NRXN1: variants seen among roughly 807,000 people sequenced by gnomAD.
NRXN1 encodes neurexin-1.
A neutral mutation model predicts 150.9 loss-of-function variants in NRXN1; 39 were observed. The ratio of observed to expected loss-of-function variants is 0.26; its 90% CI spans 0.20 to 0.34. NRXN1 has a LOEUF of 0.34. NRXN1 is among the 10% of genes least tolerant of loss of function. The pLI is 1.00. For synonymous variants in NRXN1, 924 were observed against 757.0 expected (o/e 1.22, Z -3.62); for missense variants, 1,815 against 1,949.9 (o/e 0.93, Z 1.30).
chr2:50,424,158 G>C (rs1160897034), intron 17 of NRXN1, among the ~76,000 whole-genome samples: 1 of 101,486 alleles, frequency 9.9e-6, no homozygotes, highest in Admixed American at 9.6e-5. Flanking sequence ...GGAGGAGGAA[G>C]GGGAGGAGGA....
chr2:50,990,646 T>C (rs1698407005), intron 2 of NRXN1, among the ~76,000 whole-genome samples: 1 of 151,980 alleles, frequency 6.6e-6, no homozygotes, highest in African/African-American at 2.4e-5. Context: ...CTTAATACTT[T>C]TCCAGTTTGG....
At chr2:50,856,025 C>CTT (rs202077470) in intron 5 of NRXN1, among the ~76,000 whole-genome samples, 143 of 138,708 alleles carry the variant, frequency 1.0e-3, no homozygotes, top group Middle Eastern at 3.8e-3. Context: ...CACGAGTAGC[C>CTT]TTTTTTTTTT....
chr2:50,528,187 A>T (rs1346231843), intron 12 of NRXN1, among the ~76,000 whole-genome samples: 1 of 152,170 alleles, frequency 6.6e-6, no homozygotes, highest in African/African-American at 2.4e-5. Flanking sequence ...TTCTATGTCT[A>T]TGTAAAACTT....
At chr2:50,474,683 CAAAA>C (rs754558377) in intron 15 of NRXN1, among the ~76,000 whole-genome samples, 1 of 54,992 alleles carries the variant, frequency 1.8e-5, no homozygotes, top group African/African-American at 8.2e-5. Flanking sequence ...ACAGAAATAG[CAAAA>C]AAAAAAAAAA....
rs149322054 is a variant in NRXN1 at position 49,984,718 on chromosome 2, A to AACACACACACACACAC, written c.4129-40943_4129-40928dup. 6.1e-4 allele frequency among the ~76,000 whole-genome samples: 90 copies of AACACACACACACACAC among 146,954 alleles called. No homozygotes were observed. In the Middle Eastern group the frequency reaches 0.014, roughly 23 times the overall value. On this transcript the variant is annotated intron_variant, in intron 21 of 22. Transcript: ENST00000401669. ...AGACAAAGTCCTTTGAGAACACACA[A>AACACACACACACACAC]ACACACACACACACACACACACACA... is the stretch of plus-strand genomic sequence containing the variant.
chr2:50,682,328 A>T (rs1355009492), intron 5 of NRXN1, among the ~76,000 whole-genome samples: 2 of 152,150 alleles, frequency 1.3e-5, no homozygotes, highest in African/African-American at 4.8e-5. Context: ...CCATTTACAT[A>T]ACCAAGCCAT....
At chr2:51,002,949 C>T (rs1700254813) in intron 2 of NRXN1, among the ~76,000 whole-genome samples, 1 of 151,866 alleles carries the variant, frequency 6.6e-6, no homozygotes, top group South Asian at 2.1e-4. Context: ...TTCATTTCTT[C>T]ATATATTCTT....
chr2:50,988,317 T>C (rs906869540), intron 2 of NRXN1, among the ~76,000 whole-genome samples: 3 of 152,014 alleles, frequency 2.0e-5, no homozygotes, highest in South Asian at 2.1e-4. Context: ...TGAAATAATA[T>C]AGACTTTAGA....
At chr2:50,933,271 T>A (rs1045090651) in intron 2 of NRXN1, among the ~76,000 whole-genome samples, 2 of 152,102 alleles carry the variant, frequency 1.3e-5, no homozygotes, top group East Asian at 3.9e-4. Context: ...TGAAACAAAA[T>A]GACACTTTTG....
intron 17 of NRXN1, among the ~76,000 whole-genome samples, chr2:50,420,962 C>CTGTGTGTGTG (rs4032055): frequency 1.2e-4 from 14 of 120,024 alleles, no homozygotes; most frequent in African/African-American, 1.5e-4. Flanking sequence ...CAAAATAGAC[C>CTGTGTGTGTG]TGTGTGTGTG....
intron 2 of NRXN1, among the ~76,000 whole-genome samples, chr2:50,930,242 C>T (rs1034351314): frequency 6.6e-6 from 1 of 152,050 alleles, no homozygotes; most frequent in African/African-American, 2.4e-5. Flanking sequence ...TATCTCTAAA[C>T]CGGATGCAGC....
At chr2:49,965,804 T>A (rs1676873525) in intron 21 of NRXN1, among the ~76,000 whole-genome samples, 1 of 152,212 alleles carries the variant, frequency 6.6e-6, no homozygotes, top group East Asian at 1.9e-4. Context: ...TCCCACTTCA[T>A]TAGGAACCAC....
At chr2:50,034,011 C>T (rs886871330) in intron 21 of NRXN1, among the ~76,000 whole-genome samples, 1 of 149,186 alleles carries the variant, frequency 6.7e-6, no homozygotes, top group African/African-American at 2.5e-5. Flanking sequence ...GGTGAGGTTG[C>T]AAACAGAAGA....
At chr2:50,653,157 C>T (rs1240759884) in intron 5 of NRXN1, among the ~76,000 whole-genome samples, 1 of 152,020 alleles carries the variant, frequency 6.6e-6, no homozygotes, top group East Asian at 1.9e-4. Context: ...CATGAAGTTA[C>T]TGATACCATA....
At chr2:50,739,683 C>T (rs1699199065) in intron 5 of NRXN1, among the ~76,000 whole-genome samples, 1 of 152,116 alleles carries the variant, frequency 6.6e-6, no homozygotes, top group East Asian at 1.9e-4. Context: ...TATCATTTTC[C>T]TAAATGCACA....
chr2:50,999,456 T>C (rs1177696442), intron 2 of NRXN1, among the ~76,000 whole-genome samples: 3 of 151,978 alleles, frequency 2.0e-5, no homozygotes, highest in Non-Finnish European at 4.4e-5. Context: ...GCAACACTTC[T>C]TGCACATCTT....
chr2:50,485,646 A>G (rs1039747680), intron 15 of NRXN1, among the ~76,000 whole-genome samples: 2 of 152,240 alleles, frequency 1.3e-5, no homozygotes, highest in Non-Finnish European at 2.9e-5. Context: ...GATAGGCCCC[A>G]AGTGCATGAC....
chr2:50,858,651 G>C (rs779216690), intron 5 of NRXN1, among the ~76,000 whole-genome samples: 5 of 151,952 alleles, frequency 3.3e-5, no homozygotes, highest in Non-Finnish European at 7.4e-5. Flanking sequence ...TATAACTTCA[G>C]TCATACTATG....
intron 5 of NRXN1, among the ~76,000 whole-genome samples, chr2:50,653,979 T>C (rs1686017915): frequency 6.8e-6 from 1 of 147,694 alleles, no homozygotes; most frequent in Non-Finnish European, 1.5e-5. Context: ...TTTTCATCTT[T>C]TTTTTTTTTT....
Sources: gnomAD v4.1 joint callset for allele counts (sites outside exome capture counted in the v4.1 genomes callset) on GRCh38, gnomAD v4.1.1 for gene constraint, MANE v1.5 for transcripts, NCBI Gene and HGNC (gene_info 2026-07-23, HGNC 2026-07-21) for gene names.